Variants in ABR observed in about 807,000 individuals in gnomAD.
The protein encoded by ABR is ABR activator of RhoGEF and GTPase, also known as active breakpoint cluster region-related protein.
In ABR, 35 loss-of-function variants were observed where a neutral mutation model predicts 107.2. The observed-to-expected ratio is 0.33, with a 90% CI of 0.25 to 0.43. The LOEUF (loss-of-function observed/expected upper bound fraction) is 0.43. Among genes scored for constraint, ABR ranks in the 20% least tolerant of loss-of-function variants. The pLI is 1.00. For synonymous variants in ABR, 498 were observed against 462.0 expected, an observed-to-expected ratio of 1.08 and a Z score of -1.00; for missense variants, 815 against 1,115.2, an observed-to-expected ratio of 0.73 and a Z score of 3.83.
chr17:1,159,249 C>T lies in ABR; in HGVS notation c.61+20418G>A, dbSNP rs180794539. ...GAAGTAAGAATGCGGTACTCACACA[C>T]GGGAGAAGTAGGAATGCGGTACTCA... is the stretch of plus-strand genomic sequence containing the variant. On this transcript the variant is annotated intron_variant, in intron 1 of 22. Transcript: ENST00000302538. Among the ~76,000 whole-genome samples the T allele has an allele frequency of 6.2e-3, 927 of 149,438 alleles. 20 individuals carry two copies. Among genetic ancestry groups the T allele is most frequent in the African/African-American group, 0.022 (887 of 39,962 alleles).
At position 1,210,595 on chromosome 17, in the gene ABR, G is replaced by A. The variant is rs1193839802; in HGVS notation, c.838+18198C>T. Among the ~76,000 whole-genome samples the A allele has an allele frequency of 1.3e-5, 2 of 151,958 alleles. No individual in the cohort carries two copies. Among genetic ancestry groups the A allele is most frequent in the Non-Finnish European group, 2.9e-5 (2 of 68,026 alleles). On this transcript the variant is annotated intron_variant, in intron 1 of 22. Transcript: ENST00000574139. The surrounding 1 kb of genome is among the most constrained non-coding windows in gnomAD (Gnocchi z 5.6). ...TGTCACTCAGCTTCTCTGCACTATCGTCCAGGTGTCACTCAGCTTTCTGCT... is the reference window on the plus strand; with the variant it reads ...TGTCACTCAGCTTCTCTGCACTATCATCCAGGTGTCACTCAGCTTTCTGCT...
At chr17:1,127,113 C>T (rs1031755066) in intron 1 of ABR, among the ~76,000 whole-genome samples, 2 of 152,238 alleles carry the variant, frequency 1.3e-5, no homozygotes, top group Non-Finnish European at 2.9e-5. Context: ...GCTCGCTGCA[C>T]CTGCTTCTGT....
rs543937543 is a variant in ABR, at chr17:1,173,378, C to A, written c.61+6289G>T. ...CAACACATCACCTCAGCCCACCCCCCACACATCACCAACACCCGCCACCAC... is the reference window on the plus strand; with the variant it reads ...CAACACATCACCTCAGCCCACCCCCAACACATCACCAACACCCGCCACCAC... On this transcript the variant is annotated intron_variant, in intron 1 of 22. Transcript: ENST00000302538. 1.2e-3 allele frequency among the ~76,000 whole-genome samples: 177 copies of A among 145,506 alleles called. 8 individuals are homozygous for A. The highest frequency in any genetic ancestry group is 4.2e-3 in the African/African-American group (153 of 36,746).
chr17:1,009,940 C>T, intron 20 of ABR, 156 bp from the exon 21 acceptor site: 1 of 633,340 alleles, frequency 1.6e-6, no homozygotes, highest in Non-Finnish European at 2.8e-6. Flanking sequence ...TCTGGGTGGG[C>T]TGTCAGCAGC....
chr17:1,054,492 C>CTGAGGGGACGGGG (rs1421341700), intron 14 of ABR, among the ~76,000 whole-genome samples: 1 of 148,502 alleles, frequency 6.7e-6, no homozygotes, highest in African/African-American at 2.6e-5. Context: ...CACAAGGAAC[C>CTGAGGGGACGGGG]TCAAAGGGAT....
chr17:1,191,201 T>C (rs894975495), upstream of ABR, among the ~76,000 whole-genome samples: 2 of 152,086 alleles, frequency 1.3e-5, no homozygotes, highest in Admixed American at 1.3e-4. Flanking sequence ...TTCTCGGGCC[T>C]CGAGTTTGTA....
rs578069416 is a variant in ABR at position 1,037,678 on chromosome 17, G to C, written c.1791+12372C>G. Reference sequence around the variant, plus strand: ...GCCTGCTCCTCCTCCCGGGAAGGAGGGGGTGTGGCCGGGTCTCCCAGCACA... The same window carrying C: ...GCCTGCTCCTCCTCCCGGGAAGGAGCGGGTGTGGCCGGGTCTCCCAGCACA... On this transcript the variant is annotated intron_variant, in intron 16 of 22. Transcript: ENST00000302538. This position sits in a 1 kb window ranked among gnomAD's most constrained non-coding sequence, Gnocchi z 4.6. Among the ~76,000 whole-genome samples, 224 of 152,274 alleles carry C rather than the reference G, an allele frequency of 1.5e-3. 1 individual carries two copies. The highest frequency in any genetic ancestry group is 4.9e-3 in the African/African-American group (205 of 41,550).
chr17:1,186,223 G>GACATA (rs1160335458), intron 1 of ABR, among the ~76,000 whole-genome samples: 1 of 152,230 alleles, frequency 6.6e-6, no homozygotes, highest in African/African-American at 2.4e-5. Context: ...TCACCTGTAA[G>GACATA]GGTGAAGTCT....
intron 6 of ABR, among the ~76,000 whole-genome samples, chr17:1,074,116 A>T (rs867210542): frequency 9.4e-5 from 6 of 63,554 alleles, no homozygotes; most frequent in East Asian, 4.7e-4. Context: ...CCACGCCCCG[A>T]AGAGTCCAGC....
At chr17:1,162,629 T>C (rs1567845563) in intron 1 of ABR, among the ~76,000 whole-genome samples, 1 of 152,244 alleles carries the variant, frequency 6.6e-6, no homozygotes, top group Admixed American at 6.5e-5. Context: ...GAGTGTGGCA[T>C]CTGCTTCCTG....
At chr17:1,161,590 T>C (rs993882333) in intron 1 of ABR, among the ~76,000 whole-genome samples, 4 of 147,082 alleles carry the variant, frequency 2.7e-5, no homozygotes, top group Non-Finnish European at 6.0e-5. Context: ...GGTCTCACTC[T>C]GTAGCCCAGG....
At chr17:1,123,554 G>A (rs1053368458) in intron 2 of ABR, among the ~76,000 whole-genome samples, 8 of 152,212 alleles carry the variant, frequency 5.3e-5, no homozygotes, top group South Asian at 2.1e-4. Context: ...GTGGTCACGC[G>A]ACAAGGACAG....
At chr17:1,057,180 C>G in intron 12 of ABR, 78 bp from the exon 13 acceptor site, 1 of 975,554 alleles carries the variant, frequency 1.0e-6, no homozygotes, top group Non-Finnish European at 1.6e-6. Flanking sequence ...GGGGCTGCTG[C>G]AGGAAGACGG....
chr17:1,133,245 A>G (rs931001960), intron 1 of ABR, among the ~76,000 whole-genome samples: 2,303 of 149,918 alleles, frequency 0.015, 69 homozygotes, highest in African/African-American at 0.053. Flanking sequence ...TCCGTCTCGA[A>G]AAAAAAAAAA....
intron 16 of ABR, among the ~76,000 whole-genome samples, chr17:1,023,568 C>G (rs1188751371): frequency 6.6e-6 from 1 of 152,184 alleles, no homozygotes; most frequent in Non-Finnish European, 1.5e-5. Context: ...ACACGGAGGC[C>G]CTGTCCTGAA....
At chr17:1,085,270 G>A (rs554471867) in intron 4 of ABR, among the ~76,000 whole-genome samples, 50 of 151,652 alleles carry the variant, frequency 3.3e-4, no homozygotes, top group Non-Finnish European at 6.9e-4. Flanking sequence ...CCGCCACCAC[G>A]CCAGGCTAAT....
In ABR at chr17:1,067,079, CCTT is replaced by C. The variant is rs2151152324; in HGVS notation, c.1177_1179del (p.Lys393del). 1.2e-6 allele frequency: 2 copies of C among 1,613,114 alleles called. No homozygotes were observed. Among genetic ancestry groups the C allele is most frequent in the Non-Finnish European group, 1.7e-6 (2 of 1,179,594 alleles). ...CTCAGATACCAAGCTCTGCTCACCTCCTTCTGGATTTCACTCTTGAGGGCAGAG... is the reference window on the plus strand; with the variant it reads ...CTCAGATACCAAGCTCTGCTCACCTCCTGGATTTCACTCTTGAGGGCAGAG... On this transcript the variant is annotated inframe_deletion, in exon 10 of 23. Coordinates refer to ENST00000302538, the MANE Select transcript of ABR (RefSeq NM_021962.5).
chr17:1,226,769 T>C (rs937487401), intron 1 of ABR, among the ~76,000 whole-genome samples: 19 of 151,772 alleles, frequency 1.3e-4, no homozygotes, highest in Non-Finnish European at 8.8e-5. Context: ...TGTGTGTGCA[T>C]GCATGTGACA....
intron 16 of ABR, among the ~76,000 whole-genome samples, chr17:1,018,191 C>T (rs1049363079): frequency 6.6e-4 from 101 of 152,110 alleles, no homozygotes; most frequent in African/African-American, 2.0e-3. Flanking sequence ...TACAGGCGCC[C>T]GCCACCACCC....
Sources: allele counts gnomAD v4.1 joint callset (sites outside exome capture counted in the v4.1 genomes callset), GRCh38; gene constraint gnomAD v4.1.1; non-coding constraint Gnocchi (gnomAD v3.1); transcripts MANE v1.5; gene names NCBI Gene and HGNC (gene_info 2026-07-23, HGNC 2026-07-21).